EIF4H: variants seen among roughly 807,000 people sequenced by gnomAD.
EIF4H encodes the protein Williams-Beuren syndrome chromosome region 1.
A neutral mutation model predicts 30.6 loss-of-function variants in EIF4H; 8 were observed. The ratio of observed to expected loss-of-function variants is 0.26; its 90% CI spans 0.15 to 0.47. EIF4H has a LOEUF of 0.47. EIF4H is among the 20% of genes least tolerant of loss of function. The pLI, the probability that EIF4H is intolerant of heterozygous loss-of-function variation, is 0.99. For missense variants in EIF4H, 188 were observed against 339.5 expected, an observed-to-expected ratio of 0.55 and a Z score of 3.51; for synonymous variants, 106 against 122.7, an observed-to-expected ratio of 0.86 and a Z score of 0.90.
intron 5 of EIF4H, among the ~76,000 whole-genome samples, chr7:74,192,852 A>T (rs560205054): frequency 6.6e-6 from 1 of 150,926 alleles, no homozygotes; most frequent in African/African-American, 2.4e-5. Flanking sequence ...TAATTTTTAT[A>T]TTTTTAGTAG....
intron 1 of EIF4H, among the ~76,000 whole-genome samples, chr7:74,184,637 C>A (rs1801042252): frequency 6.6e-6 from 1 of 151,634 alleles, no homozygotes; most frequent in Non-Finnish European, 1.5e-5. Flanking sequence ...CATGTTTATA[C>A]TGTATCTTGT....
chr7:74,192,746 C>T (rs933603752), intron 5 of EIF4H, among the ~76,000 whole-genome samples: 5 of 126,484 alleles, frequency 4.0e-5, no homozygotes, highest in Admixed American at 1.1e-4. Flanking sequence ...GGCATGATTT[C>T]GGTTCACTGC....
intron 1 of EIF4H, among the ~76,000 whole-genome samples, chr7:74,184,732 A>G (rs1473126974): frequency 5.3e-5 from 8 of 151,340 alleles, no homozygotes; most frequent in Non-Finnish European, 1.5e-5. Context: ...TTTGAGATGG[A>G]GTCTCGCTCT....
chr7:74,195,017 C>G, intron 6 of EIF4H, 139 bp downstream of exon 6: 5 of 1,501,550 alleles, frequency 3.3e-6, no homozygotes, highest in Non-Finnish European at 4.5e-6. Flanking sequence ...ATAGCAAGTT[C>G]ACCTTGGTCA....
intron 5 of EIF4H, among the ~76,000 whole-genome samples, chr7:74,191,727 ACT>A (rs1554709987): frequency 6.6e-6 from 1 of 151,960 alleles, no homozygotes; most frequent in Non-Finnish European, 1.5e-5. Flanking sequence ...TGTAAAGAAA[ACT>A]CTGAAGATTC....
Position 74,195,164 on chromosome 7 carries a change from C to T in EIF4H, c.608-5C>T, listed in dbSNP as rs1554710521. ...CTCTGACAAACTCTGCTTTTTCTCCCCCAGAGGAAAGAGCACAGAGACCAC... is the reference window on the plus strand; with the variant it reads ...CTCTGACAAACTCTGCTTTTTCTCCTCCAGAGGAAAGAGCACAGAGACCAC... On this transcript the variant is annotated splice_region_variant and splice_polypyrimidine_tract_variant and intron_variant, in intron 6 of 6. Coordinates refer to ENST00000265753, the MANE Select transcript of EIF4H (RefSeq NM_022170.2). 1 of 1,613,394 alleles carries T rather than the reference C, an allele frequency of 6.2e-7. No individual in the cohort carries two copies. The highest frequency in any genetic ancestry group is 8.5e-7 in the Non-Finnish European group (1 of 1,179,600).
intron 5 of EIF4H, 139 bp downstream of exon 5, chr7:74,190,445 G>C: frequency 1.2e-6 from 1 of 802,392 alleles, no homozygotes; most frequent in South Asian, 1.7e-5. Context: ...GGGTGCCCAG[G>C]CATGCAAGTA....
chr7:74,187,866 T>C, intron 2 of EIF4H, 68 bp downstream of exon 2: 1 of 1,430,530 alleles, frequency 7.0e-7, no homozygotes, highest in Non-Finnish European at 9.3e-7. Context: ...GGGTTCTAAA[T>C]AAAAATAGAT....
intron 5 of EIF4H, among the ~76,000 whole-genome samples, chr7:74,193,095 C>G (rs1469080436): frequency 6.6e-6 from 1 of 152,144 alleles, no homozygotes; most frequent in Non-Finnish European, 1.5e-5. Flanking sequence ...TCATTTCAGC[C>G]TGTTAGAAAG....
chr7:74,186,478 G>T (rs1408606577), intron 1 of EIF4H, among the ~76,000 whole-genome samples: 1 of 152,076 alleles, frequency 6.6e-6, no homozygotes, highest in Non-Finnish European at 1.5e-5. Context: ...CTCCCAAAAT[G>T]CTGTATTAGG....
intron 1 of EIF4H, among the ~76,000 whole-genome samples, chr7:74,180,738 A>C (rs1030422110): frequency 2.0e-5 from 3 of 152,220 alleles, no homozygotes; most frequent in African/African-American, 7.2e-5. Flanking sequence ...AGCTTCAGTG[A>C]GGACCTTCGA....
At chr7:74,176,084 A>G (rs1800832236) in intron 1 of EIF4H, among the ~76,000 whole-genome samples, 1 of 152,192 alleles carries the variant, frequency 6.6e-6, no homozygotes, top group Non-Finnish European at 1.5e-5. Flanking sequence ...CCTAATAGAA[A>G]GTCTCTTTAC....
chr7:74,178,844 C>T (rs547759700), intron 1 of EIF4H, among the ~76,000 whole-genome samples: 4 of 152,282 alleles, frequency 2.6e-5, no homozygotes, highest in South Asian at 2.1e-4. Context: ...GAATGTTCTT[C>T]GAAGTTTCCC....
intron 4 of EIF4H, 83 bp downstream of exon 4, chr7:74,190,001 C>T (rs1563953340): frequency 3.4e-6 from 5 of 1,462,116 alleles, no homozygotes; most frequent in Admixed American, 2.0e-5. Context: ...CCTAGTAGAA[C>T]TCGATTATCT....
rs534407152 is a variant in EIF4H, at chr7:74,196,469, A to C, written c.*1161A>C. On this transcript the variant is annotated 3_prime_UTR_variant, in exon 7 of 7. Coordinates refer to ENST00000265753, the MANE Select transcript of EIF4H (RefSeq NM_022170.2). ...GTCTGCGGCCACATCTTGGGGACAC[A>C]CTGGACTGTTCCCATGTGCAGGGTT... 6.5e-6 allele frequency: 1 copy of C among 152,800 alleles called. No homozygotes were observed. Among genetic ancestry groups the C allele is most frequent in the East Asian group, 1.9e-4 (1 of 5,190 alleles). The allele number at this position is 152,800 out of a possible 1,614,324, so 9.5% of individuals were successfully genotyped here.
intron 1 of EIF4H, among the ~76,000 whole-genome samples, chr7:74,184,915 A>C (rs1436147675): frequency 6.6e-6 from 1 of 152,088 alleles, no homozygotes; most frequent in African/African-American, 2.4e-5. Flanking sequence ...TTCTGGCCTC[A>C]AGTGATCCAC....
chr7:74,193,372 A>G (rs1213078026), intron 5 of EIF4H, among the ~76,000 whole-genome samples: 2 of 152,144 alleles, frequency 1.3e-5, no homozygotes, highest in Non-Finnish European at 2.9e-5. Context: ...GCTGGTATCT[A>G]GCTTGGGATT....
chr7:74,179,852 A>G (rs932286036), intron 1 of EIF4H, among the ~76,000 whole-genome samples: 4 of 152,212 alleles, frequency 2.6e-5, no homozygotes, highest in Admixed American at 2.0e-4. Flanking sequence ...TGTCAGGCTT[A>G]TGTTGATGGA....
chr7:74,192,343 T>C (rs532061596), intron 5 of EIF4H, among the ~76,000 whole-genome samples: 61 of 152,338 alleles, frequency 4.0e-4, no homozygotes, highest in African/African-American at 1.3e-3. Context: ...TATACTCGAC[T>C]GTATGCCTCC....
Sources: gnomAD v4.1 joint callset for allele counts (sites outside exome capture counted in the v4.1 genomes callset) on GRCh38, gnomAD v4.1.1 for gene constraint, MANE v1.5 for transcripts, NCBI Gene and HGNC (gene_info 2026-07-23, HGNC 2026-07-21) for gene names.